Variants in CFAP47 observed in about 807,000 individuals in gnomAD.
CFAP47 encodes the protein cilia- and flagella-associated protein 47.
A neutral mutation model predicts 148.1 loss-of-function variants in CFAP47; 29 were observed. The observed-to-expected ratio is 0.20, with a 90% CI of 0.15 to 0.27. CFAP47 has a LOEUF of 0.27. Ranked by LOEUF, CFAP47 falls within the 10% of genes least tolerant of loss-of-function variation. CFAP47 has a pLI of 1.00. For synonymous variants in CFAP47, 664 were observed against 577.3 expected (o/e 1.15, Z -2.15); for missense variants, 1,872 against 1,697.5 (o/e 1.10, Z -1.81).
intron 33 of CFAP47, among the ~76,000 whole-genome samples, chrX:36,133,651 T>C (rs1398729327): frequency 3.6e-5 from 4 of 110,249 alleles, no homozygotes; most frequent in African/African-American, 1.3e-4. Flanking sequence ...TATTAACCAT[T>C]GAAATGGCAA....
chrX:36,323,715 C>A (rs1428996715), intron 57 of CFAP47, among the ~76,000 whole-genome samples: 1 of 111,254 alleles, frequency 9.0e-6, no homozygotes, highest in Non-Finnish European at 1.9e-5. Context: ...AAAATAATTT[C>A]TGTAATTATT....
intron 15 of CFAP47, among the ~76,000 whole-genome samples, chrX:35,986,514 T>A (rs1414463749): frequency 9.1e-6 from 1 of 109,487 alleles, no homozygotes; most frequent in East Asian, 2.9e-4. Context: ...CTCTAACCTT[T>A]TATCAAGGTT....
chrX:36,327,185 C>G (rs1255044939), intron 57 of CFAP47, among the ~76,000 whole-genome samples: 2 of 111,693 alleles, frequency 1.8e-5, no homozygotes, highest in Non-Finnish European at 3.8e-5. Context: ...ACACAGTAAA[C>G]ACATTGGGAG....
intron 29 of CFAP47, among the ~76,000 whole-genome samples, chrX:36,080,212 A>G (rs1407902837): frequency 1.8e-5 from 2 of 112,188 alleles, no homozygotes; most frequent in African/African-American, 6.5e-5. Flanking sequence ...AGAGAAATGC[A>G]AATCAAAACC....
chrX:36,204,148 T>A (rs1378498985), intron 44 of CFAP47, among the ~76,000 whole-genome samples: 1 of 111,456 alleles, frequency 9.0e-6, no homozygotes, highest in Non-Finnish European at 1.9e-5. Context: ...TTCTGGATAT[T>A]AGCCCTTTGT....
intron 51 of CFAP47, among the ~76,000 whole-genome samples, chrX:36,298,637 CTAGAG>C (rs1372979539): frequency 1.8e-5 from 2 of 111,372 alleles, no homozygotes; most frequent in African/African-American, 6.5e-5. Flanking sequence ...AGTACCATTC[CTAGAG>C]TAAACACTGA....
At position 36,236,763 on chromosome X, in the gene CFAP47, G is replaced by A. The variant is rs782009804; in HGVS notation, c.7236G>A (p.Ser2412=). Residue 2412 remains serine, a synonymous_variant, in exon 48 of 64, where the codon TCG becomes TCA. Transcript: ENST00000378653. The stretch of plus-strand genomic sequence containing the variant: ...TAAAAGGGGTTGGGAAAAAACCTTC[G>A]GCCTTGGAACACATCACTGTGGAAT... ...FDIKGVGKKP[S]ALEHITVECQ... 8.4e-5 allele frequency: 44 copies of A among 523,212 alleles called. No individual in the cohort carries two copies. The highest frequency in any genetic ancestry group is 1.2e-4 in the Non-Finnish European group (35 of 286,309). The allele number at this position is 523,212 out of a possible 1,213,427, so 43.1% of individuals were successfully genotyped here. A position where few individuals can be genotyped will look rare whatever the true frequency, so the allele number is the denominator to read the frequency against.
intron 26 of CFAP47, among the ~76,000 whole-genome samples, chrX:36,057,844 A>G (rs1937566581): frequency 9.0e-6 from 1 of 111,599 alleles, no homozygotes; most frequent in Non-Finnish European, 1.9e-5. Flanking sequence ...TGTGAGAATC[A>G]GTCTCCAACA....
Position 35,966,633 on chromosome X carries a change from T to C in CFAP47, c.1479T>C (p.Ile493=). The part of the protein sequence containing the change: ...VFKVKQMIEI[I]GLVAEEDLQS... ...AAGTGAAGCAGATGATAGAGATTAT[T>C]GGTTTAGTGGCAGAAGAAGATTTGC... The change falls in exon 9 of 64, where the codon ATT becomes ATC. Residue 493 remains isoleucine (I), a synonymous_variant. Transcript: ENST00000378653. 1 of 1,178,371 alleles carries C rather than the reference T, an allele frequency of 8.5e-7. No homozygotes were observed.
intron 57 of CFAP47, among the ~76,000 whole-genome samples, chrX:36,331,099 CTT>C (rs782381913): frequency 1.8e-5 from 2 of 111,429 alleles, no homozygotes; most frequent in African/African-American, 3.3e-5. Context: ...TCATTGAAGA[CTT>C]AATCCTGTCA....
intron 25 of CFAP47, among the ~76,000 whole-genome samples, chrX:36,039,563 T>C (rs1937378497): frequency 8.9e-6 from 1 of 112,432 alleles, no homozygotes; most frequent in African/African-American, 3.2e-5. Context: ...GTAGTCCAGC[T>C]GTCTTAGCTG....
intron 20 of CFAP47, among the ~76,000 whole-genome samples, chrX:36,001,022 T>A (rs1426546239): frequency 8.9e-6 from 1 of 111,817 alleles, no homozygotes; most frequent in Non-Finnish European, 1.9e-5. Flanking sequence ...AGGAACCATA[T>A]GTCTCACAAA....
chrX:36,086,132 TG>T (rs1362372527), intron 30 of CFAP47, among the ~76,000 whole-genome samples: 1 of 112,203 alleles, frequency 8.9e-6, no homozygotes, highest in African/African-American at 3.2e-5. Context: ...AAATGGTTGA[TG>T]CAAAAGATAG....
At chrX:36,237,326 GT>G (rs1176880633) in intron 48 of CFAP47, among the ~76,000 whole-genome samples, 2 of 111,197 alleles carry the variant, frequency 1.8e-5, no homozygotes, top group African/African-American at 6.5e-5. Context: ...TTTGTTTTAG[GT>G]TTTATTTATT....
chrX:36,218,289 T>G (rs944067066), intron 45 of CFAP47, among the ~76,000 whole-genome samples: 2 of 112,230 alleles, frequency 1.8e-5, no homozygotes, highest in African/African-American at 6.5e-5. Flanking sequence ...AGTTGTTCTC[T>G]TTGGGTAATT....
chrX:36,086,157 C>T (rs767148081), intron 30 of CFAP47, among the ~76,000 whole-genome samples: 46 of 111,890 alleles, frequency 4.1e-4, no homozygotes, highest in African/African-American at 1.1e-3. Context: ...AAATAATTGT[C>T]GTAATATCTG....
intron 5 of CFAP47, among the ~76,000 whole-genome samples, chrX:35,951,599 A>G (rs1257954928): frequency 8.9e-6 from 1 of 111,819 alleles, no homozygotes; most frequent in African/African-American, 3.2e-5. Context: ...TGGCTAATTG[A>G]AGGTATTTCT....
chrX:36,171,049 G>A (rs1939568346), intron 39 of CFAP47, among the ~76,000 whole-genome samples: 2 of 111,252 alleles, frequency 1.8e-5, no homozygotes, highest in South Asian at 7.6e-4. Flanking sequence ...GATGGCCAGT[G>A]ATGGTGAGCA....
intron 49 of CFAP47, among the ~76,000 whole-genome samples, chrX:36,262,784 A>G (rs1342343699): frequency 1.8e-5 from 2 of 111,529 alleles, no homozygotes; most frequent in Non-Finnish European, 3.8e-5. Flanking sequence ...TTTTTAAGGA[A>G]CCTCTAAACT....
Sources: allele counts gnomAD v4.1 joint callset (sites outside exome capture counted in the v4.1 genomes callset), GRCh38; gene constraint gnomAD v4.1.1; transcripts MANE v1.5; gene names NCBI Gene and HGNC (gene_info 2026-07-23, HGNC 2026-07-21).